Variants in LRP5 observed in about 807,000 individuals in gnomAD.
LRP5 encodes LDL receptor related protein 5.
Under a neutral mutation model 154.1 loss-of-function variants are expected in LRP5, and 62 were observed. The ratio of observed to expected loss-of-function variants is 0.40; its 90% CI spans 0.33 to 0.50. LRP5 has a LOEUF of 0.50. Ranked by LOEUF, LRP5 falls within the 20% of genes least tolerant of loss-of-function variation. LRP5 has a pLI of 0.55. For missense variants in LRP5, 1,915 were observed against 2,336.7 expected (o/e 0.82, Z 3.72); for synonymous variants, 966 against 1,011.5 (o/e 0.96, Z 0.85).
chr11:68,393,846 G>A (rs1345175259), intron 7 of LRP5, among the ~76,000 whole-genome samples: 1 of 152,170 alleles, frequency 6.6e-6, no homozygotes, highest in Non-Finnish European at 1.5e-5. Flanking sequence ...AGCCTAGTGG[G>A]TGTCCCATGT....
intron 21 of LRP5, among the ~76,000 whole-genome samples, chr11:68,440,262 C>T (rs1158501814): frequency 6.6e-6 from 1 of 152,222 alleles, no homozygotes; most frequent in Non-Finnish European, 1.5e-5. Context: ...CTCTGTGAGC[C>T]TCCCCACAGG....
At position 68,404,940 on chromosome 11, in the gene LRP5, G is replaced by A. The variant is rs1230987225; in HGVS notation, c.1801+1241G>A. ...AGCCGAGATTGCGCCACTGCAGTCC[G>A]CAGTCCGGCCTGGGCGACAGAGCGA... On this transcript the variant is annotated intron_variant, in intron 8 of 22. Transcript: ENST00000294304. 8.0e-4 allele frequency among the ~76,000 whole-genome samples: 118 copies of A among 146,674 alleles called. 1 individual carries two copies. Among genetic ancestry groups the A allele is most frequent in the African/African-American group, 2.8e-3 (111 of 39,550 alleles).
At chr11:68,444,438 A>G (rs1455666659) in intron 21 of LRP5, among the ~76,000 whole-genome samples, 1 of 152,062 alleles carries the variant, frequency 6.6e-6, no homozygotes, top group Non-Finnish European at 1.5e-5. Flanking sequence ...AATCACTTGA[A>G]CCTGGGAGGC....
In LRP5 at chr11:68,444,242, T is replaced by C. The variant is rs553374317; in HGVS notation, c.4489-2194T>C. Among the ~76,000 whole-genome samples the C allele has an allele frequency of 4.6e-5, 7 of 152,124 alleles. No individual in the cohort carries two copies. The East Asian group carries it at 1.4e-3, about 30-fold the overall frequency. On this transcript the variant is annotated intron_variant, in intron 21 of 22. Coordinates refer to ENST00000294304, the MANE Select transcript of LRP5 (RefSeq NM_002335.4). ...TAAGAATGCAGGAATAGGCCAGGCA[T>C]GGTGGCTCACACCTGTCATCCCAGC...
At chr11:68,421,736 G>A (rs1332265232) in intron 13 of LRP5, among the ~76,000 whole-genome samples, 1 of 142,760 alleles carries the variant, frequency 7.0e-6, no homozygotes, top group Admixed American at 7.1e-5. Flanking sequence ...TGTGTGTGTG[G>A]TGTGTGTGTG....
At chr11:68,409,234 A>G (rs2098657937) in intron 9 of LRP5, among the ~76,000 whole-genome samples, 1 of 127,294 alleles carries the variant, frequency 7.9e-6, no homozygotes, top group Admixed American at 8.5e-5. Context: ...AATATAAAAT[A>G]TATATTATAT....
chr11:68,416,501 A>C lies in LRP5; in HGVS notation c.3001A>C (p.Lys1001Gln). Residue 1001 changes from lysine (K) to glutamine (Q), a missense_variant, in exon 13 of 23, where the codon AAG becomes CAG. This residue lies in a region of LRP5 where 1,094 missense variants were observed against 1,210.1 expected (regional missense o/e 0.90). Transcript: ENST00000294304. Reference protein sequence around the residue: ...IYWVDGRQNIKRAKDDGTQPF... With the variant: ...IYWVDGRQNIQRAKDDGTQPF... ...CTGGGTGGATGGGCGCCAGAACATC[A>C]AGCGAGCCAAGGACGACGGGACCCA... The C allele has an allele frequency of 6.2e-7, 1 of 1,613,892 alleles. No homozygotes were observed. Among genetic ancestry groups the C allele is most frequent in the Non-Finnish European group, 8.5e-7 (1 of 1,180,032 alleles).
At position 68,423,160 on chromosome 11, in the gene LRP5, G is replaced by C. The variant is rs2098666789; in HGVS notation, c.3028-329G>C. Among the ~76,000 whole-genome samples the C allele has an allele frequency of 6.6e-6, 1 of 152,136 alleles. No homozygotes were observed. Among genetic ancestry groups the C allele is most frequent in the African/African-American group, 2.4e-5 (1 of 41,428 alleles). ...ATGCACAGCTGGGTGCCCGGCGGGT[G>C]GCTGAGGAGGCCTAAAGTCCGAGGC... On this transcript the variant is annotated intron_variant, in intron 13 of 22. Coordinates refer to ENST00000294304, the MANE Select transcript of LRP5 (RefSeq NM_002335.4). The surrounding 1 kb of genome is among the most constrained non-coding windows in gnomAD (Gnocchi z 4.7).
intron 7 of LRP5, among the ~76,000 whole-genome samples, chr11:68,394,970 A>G (rs1023022068): frequency 2.0e-5 from 3 of 151,290 alleles, no homozygotes; most frequent in African/African-American, 4.9e-5. Context: ...CCCTCTGAGC[A>G]TGGTAGGACA....
chr11:68,379,307 T>C (rs2098639071), intron 5 of LRP5, among the ~76,000 whole-genome samples: 1 of 152,238 alleles, frequency 6.6e-6, no homozygotes, highest in African/African-American at 2.4e-5. Context: ...GTTCTTGGTC[T>C]TGAGTTTTGC....
At chr11:68,373,673 A>G (rs1177652274) in intron 5 of LRP5, among the ~76,000 whole-genome samples, 2 of 152,010 alleles carry the variant, frequency 1.3e-5, no homozygotes, top group Non-Finnish European at 2.9e-5. Flanking sequence ...CACCCCCTCC[A>G]CACAGCCCCA....
intron 21 of LRP5, among the ~76,000 whole-genome samples, chr11:68,444,317 C>T (rs1395194668): frequency 6.6e-6 from 1 of 152,030 alleles, no homozygotes; most frequent in Non-Finnish European, 1.5e-5. Context: ...GAGTTCGAGA[C>T]CAGCCTGGCC....
intron 5 of LRP5, 28 bp downstream of exon 5, chr11:68,365,730 G>A (rs1424848408): frequency 1.3e-5 from 8 of 637,234 alleles, no homozygotes; most frequent in Non-Finnish European, 1.8e-5. Flanking sequence ...GACGGGGCGG[G>A]CGGGCGGGGC....
chr11:68,404,376 A>G, intron 8 of LRP5: 1 of 521,208 alleles, frequency 1.9e-6, no homozygotes, highest in Non-Finnish European at 3.8e-6. Context: ...ATGAGAGGAC[A>G]GAGGACGTGA....
chr11:68,397,814 G>A (rs1336230064), intron 7 of LRP5, among the ~76,000 whole-genome samples: 5 of 152,316 alleles, frequency 3.3e-5, no homozygotes, highest in Admixed American at 6.5e-5. Flanking sequence ...CCCAAACCTC[G>A]TGCCCTTTGA....
intron 5 of LRP5, 22 bp downstream of exon 5, chr11:68,365,724 G>T: frequency 7.0e-7 from 1 of 1,431,996 alleles, no homozygotes; most frequent in Non-Finnish European, 9.2e-7. Flanking sequence ...GGACGGGACG[G>T]GGCGGGCGGG....
chr11:68,374,232 G>A (rs747662908), intron 5 of LRP5, among the ~76,000 whole-genome samples: 6 of 152,208 alleles, frequency 3.9e-5, no homozygotes, highest in Non-Finnish European at 5.9e-5. Flanking sequence ...CCGTCTGTCC[G>A]GGCGGATTAG....
rs1459295469 is a variant in LRP5, at chr11:68,439,777, G to A, written c.4349G>A (p.Gly1450Asp). 2 of 1,610,542 alleles carry A rather than the reference G, an allele frequency of 1.2e-6. No homozygotes were observed. The highest frequency in any genetic ancestry group is 2.2e-5 in the East Asian group (1 of 44,808). ...ACCTCCCCCGTCCCTTCCCTGCCAG[G>A]CATCGCATGCGGAAAGTCCATGATG... ...PGGSQHGPFT[G>D]IACGKSMMSS... Residue 1450 changes from glycine to aspartate, a missense_variant and splice_region_variant, in exon 21 of 23, where the codon GGC becomes GAC. Transcript: ENST00000294304.
intron 5 of LRP5, among the ~76,000 whole-genome samples, chr11:68,383,755 C>T (rs181012774): frequency 8.5e-5 from 13 of 152,268 alleles, no homozygotes; most frequent in Middle Eastern, 3.4e-3. Flanking sequence ...TATGGGGCGG[C>T]CATCCACTGG....
Sources: gnomAD v4.1 joint callset for allele counts (sites outside exome capture counted in the v4.1 genomes callset) on GRCh38, gnomAD v4.1.1 for gene constraint, gnomAD v4.1.1 regional missense constraint, Gnocchi (gnomAD v3.1) non-coding constraint, MANE v1.5 for transcripts, NCBI Gene and HGNC (gene_info 2026-07-23, HGNC 2026-07-21) for gene names.